The following PIGF variants were observed in gnomAD, a reference collection of about 807,000 sequenced individuals.
PIGF encodes the protein phosphatidylinositol glycan anchor biosynthesis class F, also known as GPI ethanolamine phosphate transferase, stabilizing subunit.
Under a neutral mutation model 26.0 loss-of-function variants are expected in PIGF, and 23 were observed. The ratio of observed to expected loss-of-function variants is 0.88; its 90% CI spans 0.64 to 1.25. PIGF has a LOEUF of 1.25. Among genes scored for constraint, PIGF ranks in the 50% most tolerant of loss-of-function variants. The pLI is 0.00. For missense variants in PIGF, 278 were observed against 249.9 expected, an observed-to-expected ratio of 1.11 and a Z score of -0.76; for synonymous variants, 93 against 92.6, an observed-to-expected ratio of 1.00 and a Z score of -0.03.
At chr2:46,605,787 C>CT (rs1364565165) in intron 4 of PIGF, among the ~76,000 whole-genome samples, 1 of 152,124 alleles carries the variant, frequency 6.6e-6, no homozygotes. Context: ...GGGCAAATCA[C>CT]TTAACCTGTC....
At chr2:46,585,930 C>T (rs1388478984) in intron 5 of PIGF, among the ~76,000 whole-genome samples, 1 of 152,158 alleles carries the variant, frequency 6.6e-6, no homozygotes, top group Non-Finnish European at 1.5e-5. Flanking sequence ...CCTGCCACCA[C>T]GTCCAGCTAA....
chr2:46,615,219 A>G (rs1337498703), intron 1 of PIGF, 34 bp from the exon 2 acceptor site: 2 of 843,794 alleles, frequency 2.4e-6, no homozygotes, highest in Non-Finnish European at 3.9e-6. Context: ...AGCATATGCA[A>G]TAACGACTTT....
chr2:46,582,516 G>T (rs191019434), intron 5 of PIGF: 127 of 152,314 alleles, frequency 8.3e-4, no homozygotes, highest in African/African-American at 2.8e-3. Context: ...ATCAGATAAT[G>T]GTGTTAGACA....
chr2:46,591,052 T>C (rs575904047), intron 5 of PIGF, among the ~76,000 whole-genome samples: 245 of 152,298 alleles, frequency 1.6e-3, no homozygotes, highest in African/African-American at 5.6e-3. Context: ...TAGGTAGGAC[T>C]CTACCCTACA....
chr2:46,606,383 T>C (rs950646330), intron 4 of PIGF, among the ~76,000 whole-genome samples: 2 of 152,222 alleles, frequency 1.3e-5, no homozygotes, highest in African/African-American at 4.8e-5. Context: ...ACCTTGCTTT[T>C]TTCCACTAAC....
rs752951746 is a variant in PIGF at position 46,581,008 on chromosome 2, C to G, written c.*470G>C. ...CTGTTTTTGATGAGGCTATCATAGC[C>G]ATTTTAACTCCAAAGAAACACACTG... On this transcript the variant is annotated 3_prime_UTR_variant, in exon 6 of 6. Coordinates refer to ENST00000281382, the MANE Select transcript of PIGF (RefSeq NM_002643.4). The G allele has an allele frequency of 1.3e-6, 2 of 1,588,200 alleles. No homozygotes were observed. Among genetic ancestry groups the G allele is most frequent in the South Asian group, 2.3e-5 (2 of 87,366 alleles).
At chr2:46,597,918 A>T (rs1669939354) in intron 4 of PIGF, among the ~76,000 whole-genome samples, 1 of 152,196 alleles carries the variant, frequency 6.6e-6, no homozygotes, top group Non-Finnish European at 1.5e-5. Flanking sequence ...CTGAAAATAT[A>T]TGGGCCTTCT....
At chr2:46,608,036 T>C (rs942072798) in intron 4 of PIGF, among the ~76,000 whole-genome samples, 1 of 152,198 alleles carries the variant, frequency 6.6e-6, no homozygotes, top group African/African-American at 2.4e-5. Context: ...ATGAAGTTGG[T>C]TGCATCAATT....
At chr2:46,602,099 T>C (rs1364639641) in intron 4 of PIGF, among the ~76,000 whole-genome samples, 1 of 151,934 alleles carries the variant, frequency 6.6e-6, no homozygotes, top group Admixed American at 6.6e-5. Flanking sequence ...ACTGAGTATA[T>C]TATTTAATAA....
At chr2:46,605,388 T>C (rs1457321119) in intron 4 of PIGF, among the ~76,000 whole-genome samples, 1 of 152,072 alleles carries the variant, frequency 6.6e-6, no homozygotes, top group Non-Finnish European at 1.5e-5. Flanking sequence ...CCCTCCTCCA[T>C]AGTTATCTAT....
At chr2:46,595,286 T>G (rs1035139285) in intron 4 of PIGF, among the ~76,000 whole-genome samples, 1 of 152,196 alleles carries the variant, frequency 6.6e-6, no homozygotes, top group East Asian at 1.9e-4. Flanking sequence ...CTCCCAGCCC[T>G]AGGCAACCAC....
chr2:46,585,679 T>C (rs1669548423), intron 5 of PIGF, among the ~76,000 whole-genome samples: 1 of 152,236 alleles, frequency 6.6e-6, no homozygotes, highest in South Asian at 2.1e-4. Context: ...CACTACTATG[T>C]AATAAGTAGA....
rs543111449 is a variant in PIGF at position 46,593,135 on chromosome 2, T to TC, written c.438-553_438-552insG. 8.3e-3 allele frequency among the ~76,000 whole-genome samples: 556 copies of TC among 66,924 alleles called. 3 individuals carry two copies. The highest frequency in any genetic ancestry group is 0.028 in the African/African-American group (527 of 19,036). The allele number at this position is 66,924 out of a possible 152,430, so 43.9% of individuals were successfully genotyped here. On this transcript the variant is annotated intron_variant, in intron 4 of 5. Coordinates refer to ENST00000281382, the MANE Select transcript of PIGF (RefSeq NM_002643.4). ...GCATCATTTATTCAACCAGTCTTTC[T>TC]TTTTTTTTTTTTTTTTCAGACGGAG...
chr2:46,587,432 T>TA lies in PIGF; in HGVS notation c.546+5042dup, dbSNP rs1352496517. On this transcript the variant is annotated intron_variant, in intron 5 of 5. Coordinates refer to ENST00000281382, the MANE Select transcript of PIGF (RefSeq NM_002643.4). ...CACAAATACTAGATTTCTAACGTGG[T>TA]AAAACTGAAAAAAAAAAACCCAAAA... Among the ~76,000 whole-genome samples, 3 of 142,930 alleles carry TA rather than the reference T, an allele frequency of 2.1e-5. 1 individual carries two copies. The highest frequency in any genetic ancestry group is 7.7e-5 in the African/African-American group (3 of 38,868). 93.8% of individuals were successfully genotyped at this position (142,930 alleles called of 152,430 possible).
chr2:46,588,596 A>C lies in PIGF; in HGVS notation c.546+3879T>G, dbSNP rs1209622396. 6.5e-6 allele frequency: 1 copy of C among 153,494 alleles called. No individual in the cohort carries two copies. Among genetic ancestry groups the C allele is most frequent in the African/African-American group, 2.4e-5 (1 of 41,462 alleles). 9.5% of individuals were successfully genotyped at this position (153,494 alleles called of 1,614,324 possible). ...TCATCATGTTACCTGCCTACCCATT[A>C]ATAAAACGTGAGTTTAAAAACCTCA... On this transcript the variant is annotated intron_variant, in intron 5 of 5. Coordinates refer to ENST00000281382, the MANE Select transcript of PIGF (RefSeq NM_002643.4). This position sits in a 1 kb window ranked among gnomAD's most constrained non-coding sequence, Gnocchi z 4.1.
chr2:46,588,960 C>T lies in PIGF; in HGVS notation c.546+3515G>A, dbSNP rs1424752436. Among the ~76,000 whole-genome samples, 2 of 152,074 alleles carry T rather than the reference C, an allele frequency of 1.3e-5. No homozygotes were observed. The highest frequency in any genetic ancestry group is 4.8e-5 in the African/African-American group (2 of 41,454). On this transcript the variant is annotated intron_variant, in intron 5 of 5. Coordinates refer to ENST00000281382, the MANE Select transcript of PIGF (RefSeq NM_002643.4). This position sits in a 1 kb window ranked among gnomAD's most constrained non-coding sequence, Gnocchi z 4.1. ...TCAAATTATAAAATACAAAGGTTTT[C>T]TGTAGTCCAAATATTTATTTTGTCA...
chr2:46,615,000 A>T lies in PIGF; in HGVS notation c.165T>A (p.Asn55Lys). 6.2e-7 allele frequency: 1 copy of T among 1,608,574 alleles called. No individual in the cohort carries two copies. The highest frequency in any genetic ancestry group is 2.2e-5 in the East Asian group (1 of 44,804). Residue 55 changes from asparagine to lysine, a missense_variant, in exon 2 of 6, where the codon AAT becomes AAA. By Grantham distance (94) the Asn-to-Lys change is moderately conservative (BLOSUM62 0). Coordinates refer to ENST00000281382, the MANE Select transcript of PIGF (RefSeq NM_002643.4). ...GTTTCACTACTAAATATAGTACTAG[A>T]TTGACAGCAGTTACAAAACCAGAAC... ...CICSGFVTAV[N>K]LVLYLVVKPN...
At chr2:46,605,822 A>T (rs1670203839) in intron 4 of PIGF, among the ~76,000 whole-genome samples, 1 of 152,188 alleles carries the variant, frequency 6.6e-6, no homozygotes, top group Non-Finnish European at 1.5e-5. Context: ...TTCATCTAGA[A>T]AATGGTGAAA....
intron 3 of PIGF, among the ~76,000 whole-genome samples, chr2:46,613,398 A>G (rs554856466): frequency 6.6e-6 from 1 of 152,326 alleles, no homozygotes; most frequent in East Asian, 1.9e-4. Context: ...TAATCATAGT[A>G]AGTTCTTTCA....
Sources: gnomAD v4.1 joint callset for allele counts (sites outside exome capture counted in the v4.1 genomes callset) on GRCh38, gnomAD v4.1.1 for gene constraint, Gnocchi (gnomAD v3.1) non-coding constraint, MANE v1.5 for transcripts, NCBI Gene and HGNC (gene_info 2026-07-23, HGNC 2026-07-21) for gene names.